The following CCDC148 variants were observed in gnomAD, a reference collection of about 807,000 sequenced individuals.
The protein encoded by CCDC148 is coiled-coil domain containing 148.
A neutral mutation model predicts 85.7 loss-of-function variants in CCDC148; 89 were observed. The ratio of observed to expected loss-of-function variants is 1.04; its 90% CI spans 0.87 to 1.24. CCDC148 has a LOEUF of 1.24. CCDC148 is among the 50% of genes most tolerant of loss of function. The pLI, the probability that CCDC148 is intolerant of heterozygous loss-of-function variation, is 0.00. For missense variants in CCDC148, 692 were observed against 671.7 expected (o/e 1.03, Z -0.33); for synonymous variants, 230 against 213.9 (o/e 1.08, Z -0.66).
chr2:158,307,228 A>G (rs756881638), intron 9 of CCDC148, among the ~76,000 whole-genome samples: 1 of 152,258 alleles, frequency 6.6e-6, no homozygotes, highest in Middle Eastern at 3.4e-3. Flanking sequence ...TAAGTAAGAA[A>G]AAAAAGCACA....
chr2:158,267,371 G>C (rs937377210), intron 9 of CCDC148, among the ~76,000 whole-genome samples: 1 of 152,120 alleles, frequency 6.6e-6, no homozygotes, highest in African/African-American at 2.4e-5. Flanking sequence ...CCAGACCCAG[G>C]ACGAGACAAG....
intron 11 of CCDC148, among the ~76,000 whole-genome samples, chr2:158,197,841 G>A (rs183684391): frequency 1.2e-3 from 182 of 151,874 alleles, no homozygotes; most frequent in Non-Finnish European, 1.2e-3. Flanking sequence ...TAATATTTTT[G>A]GAATAGAAAA....
chr2:158,275,967 G>C (rs1243442986), intron 9 of CCDC148, among the ~76,000 whole-genome samples: 3 of 151,114 alleles, frequency 2.0e-5, no homozygotes, highest in Non-Finnish European at 4.4e-5. Context: ...ATTCCTGAAA[G>C]GCTTTAAAAA....
chr2:158,368,977 T>A (rs1684316297), intron 1 of CCDC148, among the ~76,000 whole-genome samples: 1 of 152,034 alleles, frequency 6.6e-6, no homozygotes, highest in Admixed American at 6.6e-5. Context: ...AAGTCAATTA[T>A]ATTTAGGGTT....
chr2:158,310,442 C>T (rs1192361751), intron 8 of CCDC148, among the ~76,000 whole-genome samples: 1 of 152,250 alleles, frequency 6.6e-6, no homozygotes, highest in Non-Finnish European at 1.5e-5. Context: ...GTTGGGTACA[C>T]CTCCCAGACA....
chr2:158,391,350 T>C (rs1365334261), intron 1 of CCDC148, among the ~76,000 whole-genome samples: 1 of 152,188 alleles, frequency 6.6e-6, no homozygotes, highest in South Asian at 2.1e-4. Context: ...TTACTACTCC[T>C]AAACCATACA....
chr2:158,267,023 A>C (rs1689496011), intron 9 of CCDC148, among the ~76,000 whole-genome samples: 1 of 151,828 alleles, frequency 6.6e-6, no homozygotes, highest in Admixed American at 6.6e-5. Context: ...TTATACCCAC[A>C]TTCTTAAAAA....
At chr2:158,344,479 A>G (rs1682895496) in intron 3 of CCDC148, among the ~76,000 whole-genome samples, 1 of 152,194 alleles carries the variant, frequency 6.6e-6, no homozygotes, top group South Asian at 2.1e-4. Context: ...CTATTTTGAT[A>G]TAAAATAAAT....
intron 2 of CCDC148, among the ~76,000 whole-genome samples, chr2:158,347,638 A>C (rs1002521625): frequency 6.6e-5 from 10 of 152,126 alleles, no homozygotes; most frequent in African/African-American, 2.4e-4. Flanking sequence ...AAAACAATGA[A>C]TTCATAAAAG....
rs1691426798 is a variant in CCDC148, at chr2:158,301,223, T to G, written c.1110+8210A>C. ...GAGAAAGGGTTTCTCAAGGGCAGAA[T>G]GTGAAACATAGTCATGAGAGGAGCA... On this transcript the variant is annotated intron_variant, in intron 9 of 13. Coordinates refer to ENST00000283233, the MANE Select transcript of CCDC148 (RefSeq NM_138803.4). 3.9e-5 allele frequency among the ~76,000 whole-genome samples: 6 copies of G among 152,312 alleles called. No individual in the cohort carries two copies. The South Asian group carries it at 1.2e-3, about 32-fold the overall frequency.
chr2:158,205,695 C>T (rs768297940), intron 11 of CCDC148, among the ~76,000 whole-genome samples: 7 of 152,054 alleles, frequency 4.6e-5, no homozygotes, highest in Non-Finnish European at 1.0e-4. Context: ...TGGAAGGTAG[C>T]AAAATCAGCT....
chr2:158,351,610 G>C (rs908087183), intron 2 of CCDC148, among the ~76,000 whole-genome samples: 1 of 152,246 alleles, frequency 6.6e-6, no homozygotes, highest in Non-Finnish European at 1.5e-5. Context: ...TAGCACAGCA[G>C]TCTGAGATCA....
intron 11 of CCDC148, among the ~76,000 whole-genome samples, chr2:158,216,425 CT>C (rs1686864707): frequency 1.0e-5 from 1 of 98,794 alleles, no homozygotes; most frequent in African/African-American, 4.0e-5. Context: ...GAGACGGAGT[CT>C]TGCTCTGTCG....
intron 11 of CCDC148, among the ~76,000 whole-genome samples, chr2:158,217,370 GTGTGTA>G (rs1686930426): frequency 2.6e-5 from 2 of 75,504 alleles, no homozygotes; most frequent in African/African-American, 7.8e-5. Flanking sequence ...TTTTGTGTGT[GTGTGTA>G]TATATATATA....
chr2:158,351,482 C>T (rs967894418), intron 2 of CCDC148, among the ~76,000 whole-genome samples: 14 of 151,826 alleles, frequency 9.2e-5, no homozygotes, highest in Non-Finnish European at 8.8e-5. Context: ...CCTGGAAAAT[C>T]GGGTCACTCC....
chr2:158,428,687 G>A (rs1332611211), intron 1 of CCDC148, among the ~76,000 whole-genome samples: 1 of 146,734 alleles, frequency 6.8e-6, no homozygotes, highest in Admixed American at 6.8e-5. Context: ...CACTGTTGGT[G>A]GGACTTTAAA....
At chr2:158,274,892 C>T (rs2105166347) in intron 9 of CCDC148, among the ~76,000 whole-genome samples, 2 of 152,324 alleles carry the variant, frequency 1.3e-5, no homozygotes, top group Non-Finnish European at 2.9e-5. Context: ...AGAAGAAAAA[C>T]TGGCCAGTGA....
chr2:158,284,043 GCATATTCTCACT>G (rs1690488348), intron 9 of CCDC148, among the ~76,000 whole-genome samples: 1 of 147,358 alleles, frequency 6.8e-6, no homozygotes, highest in Admixed American at 6.9e-5. Flanking sequence ...ACCAAACACC[GCATATTCTCACT>G]CATACGTGGG....
At chr2:158,334,358 T>C (rs1693312080) in intron 7 of CCDC148, among the ~76,000 whole-genome samples, 1 of 152,272 alleles carries the variant, frequency 6.6e-6, no homozygotes, top group South Asian at 2.1e-4. Context: ...ATCAAAGACA[T>C]CTGATTTTTC....
Sources: allele counts gnomAD v4.1 joint callset (sites outside exome capture counted in the v4.1 genomes callset), GRCh38; gene constraint gnomAD v4.1.1; transcripts MANE v1.5; gene names NCBI Gene and HGNC (gene_info 2026-07-23, HGNC 2026-07-21).